Variants in CPEB3 observed in about 807,000 individuals in gnomAD.
CPEB3 encodes cytoplasmic polyadenylation element binding protein 3.
CPEB3 carries 20 observed loss-of-function variants against 67.2 expected under a neutral mutation model. The observed-to-expected ratio is 0.30, with a 90% CI of 0.21 to 0.43. The LOEUF (loss-of-function observed/expected upper bound fraction) is 0.43. CPEB3 is among the 20% of genes least tolerant of loss of function. The pLI is 1.00. For synonymous variants in CPEB3, 376 were observed against 393.1 expected (o/e 0.96, Z 0.51); for missense variants, 746 against 968.6 (o/e 0.77, Z 3.05).
chr10:92,126,499 G>C (rs921638658), intron 6 of CPEB3, among the ~76,000 whole-genome samples: 2 of 152,142 alleles, frequency 1.3e-5, no homozygotes, highest in East Asian at 3.8e-4. Flanking sequence ...CACCTCTTTG[G>C]AAATACTCCA....
intron 1 of CPEB3, among the ~76,000 whole-genome samples, chr10:92,252,388 G>A (rs969552661): frequency 6.6e-6 from 1 of 152,118 alleles, no homozygotes; most frequent in Non-Finnish European, 1.5e-5. Flanking sequence ...ATTTAGCAGT[G>A]TCTATTAAAG....
intron 1 of CPEB3, among the ~76,000 whole-genome samples, chr10:92,246,709 C>T (rs1852086563): frequency 6.6e-6 from 1 of 151,914 alleles, no homozygotes; most frequent in African/African-American, 2.4e-5. Flanking sequence ...GGGGTTTCAC[C>T]GTGTCAGCCA....
chr10:92,244,684 G>C (rs890022216), intron 1 of CPEB3, among the ~76,000 whole-genome samples: 1 of 151,946 alleles, frequency 6.6e-6, no homozygotes, highest in Non-Finnish European at 1.5e-5. Flanking sequence ...TGATCCGCCC[G>C]CCTCTGCCTC....
chr10:92,110,392 T>C (rs1844677548), intron 7 of CPEB3, among the ~76,000 whole-genome samples: 3 of 152,308 alleles, frequency 2.0e-5, no homozygotes, highest in South Asian at 4.2e-4. Context: ...GTCACATAAA[T>C]GAAGTTCGTT....
chr10:92,269,536 T>C (rs1449724794), intron 1 of CPEB3, among the ~76,000 whole-genome samples: 1 of 152,096 alleles, frequency 6.6e-6, no homozygotes, highest in Non-Finnish European at 1.5e-5. Flanking sequence ...CTGTGCATCT[T>C]GACCCAGCTG....
chr10:92,236,551 C>A (rs1276577330), intron 2 of CPEB3, among the ~76,000 whole-genome samples: 1 of 152,038 alleles, frequency 6.6e-6, no homozygotes, highest in Non-Finnish European at 1.5e-5. Context: ...AGTTCAAGAC[C>A]AGCCTGGTCA....
At chr10:92,284,955 G>A (rs1400291910) in intron 1 of CPEB3, among the ~76,000 whole-genome samples, 2 of 152,144 alleles carry the variant, frequency 1.3e-5, no homozygotes, top group Non-Finnish European at 2.9e-5. Context: ...CTGAGAATAG[G>A]TAATTTATAA....
At chr10:92,177,631 T>C (rs1261268362) in intron 4 of CPEB3, among the ~76,000 whole-genome samples, 1 of 152,218 alleles carries the variant, frequency 6.6e-6, no homozygotes, top group African/African-American at 2.4e-5. Flanking sequence ...TCTTCCATAG[T>C]GGTATCCTAT....
chr10:92,149,462 A>AAG (rs1480340905), intron 4 of CPEB3, among the ~76,000 whole-genome samples: 1 of 152,222 alleles, frequency 6.6e-6, no homozygotes, highest in South Asian at 2.1e-4. Context: ...AAGAGTGAAG[A>AAG]AGCAGATGTG....
At chr10:92,206,947 T>G (rs1173820016) in intron 2 of CPEB3, among the ~76,000 whole-genome samples, 2 of 152,110 alleles carry the variant, frequency 1.3e-5, no homozygotes, top group African/African-American at 4.8e-5. Context: ...GAATTCAGCT[T>G]AATGAATAAG....
chr10:92,238,942 C>G (rs1156340936), intron 2 of CPEB3, among the ~76,000 whole-genome samples: 1 of 152,150 alleles, frequency 6.6e-6, no homozygotes, highest in Non-Finnish European at 1.5e-5. Context: ...GCACCCTGAG[C>G]TCAGGATTGC....
At chr10:92,201,210 G>A (rs1849507680) in intron 2 of CPEB3, among the ~76,000 whole-genome samples, 3 of 152,090 alleles carry the variant, frequency 2.0e-5, no homozygotes, top group African/African-American at 7.2e-5. Context: ...GACTATGACG[G>A]TCAGAAGAGA....
At chr10:92,169,934 C>G (rs1847927230) in intron 4 of CPEB3, among the ~76,000 whole-genome samples, 1 of 152,174 alleles carries the variant, frequency 6.6e-6, no homozygotes, top group Non-Finnish European at 1.5e-5. Flanking sequence ...CATGAAGCAT[C>G]CAAAGCCCTT....
chr10:92,092,068 A>G lies in CPEB3; in HGVS notation c.1573-124T>C. On this transcript the variant is annotated intron_variant, in intron 7 of 9. Transcript: ENST00000265997. Reference sequence around the variant, plus strand: ...AATGAACATGACCCAAACAAAATCCAGTTAATTAGTTAACGTAATCTGCAT... The same window carrying G: ...AATGAACATGACCCAAACAAAATCCGGTTAATTAGTTAACGTAATCTGCAT... 9 of 674,892 alleles carry G rather than the reference A, an allele frequency of 1.3e-5. No homozygotes were observed. The South Asian group carries it at 1.5e-4, about 11-fold the overall frequency. 41.8% of individuals were successfully genotyped at this position (674,892 alleles called of 1,614,324 possible). A position where few individuals can be genotyped will look rare whatever the true frequency, so the allele number is the denominator to read the frequency against.
At chr10:92,147,074 G>A (rs1364654978) in intron 4 of CPEB3, among the ~76,000 whole-genome samples, 1 of 152,142 alleles carries the variant, frequency 6.6e-6, no homozygotes, top group African/African-American at 2.4e-5. Flanking sequence ...AGCTGGGGAA[G>A]GGGAAATGAA....
intron 4 of CPEB3, among the ~76,000 whole-genome samples, chr10:92,152,883 T>C (rs1847028237): frequency 1.3e-5 from 2 of 152,190 alleles, no homozygotes; most frequent in South Asian, 4.1e-4. Flanking sequence ...AGACCACATC[T>C]GGAGTCTAGT....
At chr10:92,126,591 C>T (rs995579136) in intron 6 of CPEB3, among the ~76,000 whole-genome samples, 4 of 152,140 alleles carry the variant, frequency 2.6e-5, no homozygotes, top group Admixed American at 2.6e-4. Context: ...TAAAATGTAC[C>T]TTGGGTCATA....
At position 92,111,691 on chromosome 10, in the gene CPEB3, C is replaced by T. The variant is rs549205258; in HGVS notation, c.1454-497G>A. 1.0e-3 allele frequency among the ~76,000 whole-genome samples: 152 copies of T among 152,320 alleles called. 1 individual carries two copies. Among genetic ancestry groups the T allele is most frequent in the African/African-American group, 3.4e-3 (140 of 41,570 alleles). On this transcript the variant is annotated intron_variant, in intron 6 of 9. Coordinates refer to ENST00000265997, the MANE Select transcript of CPEB3 (RefSeq NM_014912.5). ...GGATGGGGAAGCTGGAGGGAATAGGCACTGAGTTTCTTTTTGGGATGATAA... is the reference window on the plus strand; with the variant it reads ...GGATGGGGAAGCTGGAGGGAATAGGTACTGAGTTTCTTTTTGGGATGATAA...
intron 6 of CPEB3, among the ~76,000 whole-genome samples, chr10:92,128,970 G>A (rs1480867007): frequency 6.6e-6 from 1 of 152,176 alleles, no homozygotes; most frequent in African/African-American, 2.4e-5. Flanking sequence ...TACCATTTGA[G>A]CCAGCAAACC....
Sources: allele counts gnomAD v4.1 joint callset (sites outside exome capture counted in the v4.1 genomes callset), GRCh38; gene constraint gnomAD v4.1.1; transcripts MANE v1.5; gene names NCBI Gene and HGNC (gene_info 2026-07-23, HGNC 2026-07-21).